XKR6: variants seen among roughly 807,000 people sequenced by gnomAD.
XKR6 encodes the protein XK-related protein 6.
Under a neutral mutation model 56.7 loss-of-function variants are expected in XKR6, and 22 were observed. That is an observed-to-expected ratio of 0.39 (90% confidence interval 0.28 to 0.55). The LOEUF (loss-of-function observed/expected upper bound fraction) is 0.55, where lower values mean the gene tolerates loss of function less well. XKR6 is among the 20% of genes least tolerant of loss of function. The probability of loss-of-function intolerance (pLI) is 0.66; values close to 1 mark genes in which losing one functional copy is unlikely to be tolerated. For missense variants in XKR6, 852 were observed against 889.0 expected, an observed-to-expected ratio of 0.96 and a Z score of 0.53; for synonymous variants, 524 against 387.8, an observed-to-expected ratio of 1.35 and a Z score of -4.13.
chr8:11,052,386 T>C (rs764749011), intron 1 of XKR6, among the ~76,000 whole-genome samples: 1 of 152,184 alleles, frequency 6.6e-6, no homozygotes, highest in South Asian at 2.1e-4. Context: ...GTCTCTTTTG[T>C]TTGTTTATGG....
intron 1 of XKR6, among the ~76,000 whole-genome samples, chr8:11,156,520 T>A (rs1801526461): frequency 6.6e-6 from 1 of 152,202 alleles, no homozygotes; most frequent in African/African-American, 2.4e-5. Context: ...CAGTATTTTG[T>A]GTATCTTAAT....
At chr8:11,105,647 G>A (rs530772577) in intron 1 of XKR6, 2 of 152,044 alleles carry the variant, frequency 1.3e-5, no homozygotes, top group African/African-American at 4.8e-5. Context: ...TTTAATTCAC[G>A]TGGATTTTTT....
At chr8:11,119,318 A>C (rs937350433) in intron 1 of XKR6, among the ~76,000 whole-genome samples, 45 of 152,302 alleles carry the variant, frequency 3.0e-4, no homozygotes, top group African/African-American at 1.1e-3. Context: ...GTAGATGTCT[A>C]TTAGGTCCGC....
chr8:10,931,528 C>T (rs1305928668), intron 1 of XKR6, among the ~76,000 whole-genome samples: 1 of 152,112 alleles, frequency 6.6e-6, no homozygotes, highest in African/African-American at 2.4e-5. Context: ...TATAAAGCTA[C>T]AGCACAGTGT....
At chr8:11,098,445 T>C (rs1798344274) in intron 1 of XKR6, among the ~76,000 whole-genome samples, 1 of 152,160 alleles carries the variant, frequency 6.6e-6, no homozygotes, top group Non-Finnish European at 1.5e-5. Context: ...ACGCTACTAA[T>C]GCTGTGTGTA....
intron 1 of XKR6, among the ~76,000 whole-genome samples, chr8:11,144,051 A>AC (rs562309578): frequency 1.1e-3 from 163 of 151,148 alleles, no homozygotes; most frequent in Middle Eastern, 3.4e-3. Context: ...CTGGATTAAG[A>AC]CCCCCCGTCA....
chr8:11,000,475 C>A (rs1215226586), intron 1 of XKR6, among the ~76,000 whole-genome samples: 1 of 152,158 alleles, frequency 6.6e-6, no homozygotes, highest in African/African-American at 2.4e-5. Flanking sequence ...CACTTGACGT[C>A]AAGAGCTCGA....
In XKR6 at chr8:11,132,961, G is replaced by C. The variant is rs57640274; in HGVS notation, c.764+67615C>G. 4.7e-4 allele frequency among the ~76,000 whole-genome samples: 71 copies of C among 151,812 alleles called. No individual in the cohort carries two copies. In the East Asian group the frequency reaches 0.011, roughly 24 times the overall value. The stretch of plus-strand genomic sequence containing the variant: ...CTAAAAAGATACAAGTAAAAAAGAA[G>C]AGTTAAAAATAAATTTACACATTTT... On this transcript the variant is annotated intron_variant, in intron 1 of 2. Transcript: ENST00000416569.
chr8:11,063,206 T>C (rs935429109), intron 1 of XKR6, among the ~76,000 whole-genome samples: 7 of 149,196 alleles, frequency 4.7e-5, no homozygotes, highest in Admixed American at 6.7e-5. Context: ...TCTACCTAAA[T>C]AAATAAATAA....
chr8:11,099,907 T>G (rs1472879232), intron 1 of XKR6, among the ~76,000 whole-genome samples: 2 of 152,054 alleles, frequency 1.3e-5, no homozygotes, highest in Admixed American at 6.6e-5. Context: ...GATGGAGCCA[T>G]AAGCACATGG....
At chr8:11,129,175 A>G (rs115638223) in intron 1 of XKR6, 370 of 356,528 alleles carry the variant, frequency 1.0e-3, no homozygotes, top group African/African-American at 7.6e-3. Context: ...GCAACTAGAC[A>G]GAGGTGATGG....
chr8:11,200,681 G>A lies in XKR6; in HGVS notation c.659C>T (p.Pro220Leu). The A allele has an allele frequency of 6.4e-7, 1 of 1,566,360 alleles. No individual in the cohort carries two copies. The highest frequency in any genetic ancestry group is 8.6e-7 in the Non-Finnish European group (1 of 1,165,202). The change falls in exon 1 of 3, where the codon CCA becomes CTA. Residue 220 changes from proline to leucine, a missense_variant. By Grantham distance (98) the Pro-to-Leu change is moderately conservative (BLOSUM62 -3). Around this residue, in one of 4 missense-constraint regions of XKR6, gnomAD observed 417 missense variants for 355.2 expected, o/e 1.17. Transcript: ENST00000416569. The surrounding 1 kb of genome is among the most constrained non-coding windows in gnomAD (Gnocchi z 6.4). ...CGGCGTGGGGGAGACCCTCACGCCT[G>A]GGCCACCGCGGGCCGCGCCGTGGAC... is the stretch of plus-strand genomic sequence containing the variant. ...GYVHGAARGG[P>L]GVRVSPTPGA... is the part of the protein sequence containing the mutation.
At chr8:10,937,659 C>T (rs9693783) in intron 1 of XKR6, among the ~76,000 whole-genome samples, 11 of 149,174 alleles carry the variant, frequency 7.4e-5, no homozygotes, top group African/African-American at 1.2e-4. Flanking sequence ...AATACCCTGC[C>T]GTGTGAGGTG....
chr8:10,939,466 C>T (rs1801325381), intron 1 of XKR6, among the ~76,000 whole-genome samples: 1 of 152,224 alleles, frequency 6.6e-6, no homozygotes, highest in Non-Finnish European at 1.5e-5. Flanking sequence ...CCTAGAGACC[C>T]AGGCCCCTGG....
chr8:11,050,068 G>A (rs758396900), intron 1 of XKR6, among the ~76,000 whole-genome samples: 2 of 152,130 alleles, frequency 1.3e-5, no homozygotes, highest in Non-Finnish European at 2.9e-5. Context: ...CCAGTCCTCG[G>A]GGTTTTCACT....
At chr8:11,164,214 T>C (rs1455714231) in intron 1 of XKR6, among the ~76,000 whole-genome samples, 2 of 152,228 alleles carry the variant, frequency 1.3e-5, no homozygotes, top group Non-Finnish European at 2.9e-5. Flanking sequence ...GGTTTGAAAG[T>C]GCCTCAAGCA....
rs550912867 is a variant in XKR6, at chr8:10,952,353, C to A, written c.765-27523G>T. ...GCTCATTGTATGCACAGTCCATAAA[C>A]CCCCAACAAACACTAATACAGTCAG... is the stretch of plus-strand genomic sequence containing the variant. On this transcript the variant is annotated intron_variant, in intron 1 of 2. Transcript: ENST00000416569. Among the ~76,000 whole-genome samples the A allele has an allele frequency of 7.2e-5, 11 of 152,334 alleles. No individual in the cohort carries two copies. In the East Asian group the frequency reaches 1.9e-3, roughly 27 times the overall value.
intron 1 of XKR6, among the ~76,000 whole-genome samples, chr8:11,043,597 C>T (rs1799338284): frequency 6.6e-6 from 1 of 152,190 alleles, no homozygotes; most frequent in Non-Finnish European, 1.5e-5. Context: ...AGAGTCAGTC[C>T]AGGAAATCTC....
chr8:11,074,502 C>A (rs553073102), intron 1 of XKR6, among the ~76,000 whole-genome samples: 1 of 152,220 alleles, frequency 6.6e-6, no homozygotes, highest in Non-Finnish European at 1.5e-5. Flanking sequence ...ATACCAGACA[C>A]TATGCCGAAT....
Sources: gnomAD v4.1 joint callset for allele counts (sites outside exome capture counted in the v4.1 genomes callset) on GRCh38, gnomAD v4.1.1 for gene constraint, gnomAD v4.1.1 regional missense constraint, Gnocchi (gnomAD v3.1) non-coding constraint, MANE v1.5 for transcripts, NCBI Gene and HGNC (gene_info 2026-07-23, HGNC 2026-07-21) for gene names.